Variants in PEAK1 observed in about 807,000 individuals in gnomAD.
PEAK1 encodes the protein pseudopodium enriched atypical kinase 1, also known as inactive tyrosine-protein kinase PEAK1.
In PEAK1, 54 loss-of-function variants were observed where a neutral mutation model predicts 124.7. The observed-to-expected ratio is 0.43, with a 90% CI of 0.35 to 0.54. The LOEUF is 0.54. PEAK1 is among the 20% of genes least tolerant of loss of function. The pLI, the probability that PEAK1 is intolerant of heterozygous loss-of-function variation, is 0.01. For synonymous variants in PEAK1, 719 were observed against 760.0 expected (o/e 0.95, Z 0.89); for missense variants, 2,046 against 2,134.5 (o/e 0.96, Z 0.82).
At chr15:77,174,197 T>A (rs899251405) in intron 7 of PEAK1, among the ~76,000 whole-genome samples, 4 of 152,186 alleles carry the variant, frequency 2.6e-5, no homozygotes, top group Admixed American at 1.3e-4. Flanking sequence ...ATGAACTTAG[T>A]AACAATCTAA....
At chr15:77,308,356 G>A (rs559575830) in intron 2 of PEAK1, among the ~76,000 whole-genome samples, 4 of 152,150 alleles carry the variant, frequency 2.6e-5, no homozygotes, top group Admixed American at 1.3e-4. Context: ...CCATGTAGGC[G>A]TTTGAAATAT....
chr15:77,114,507 G>A lies in PEAK1; in HGVS notation c.4890C>T (p.Phe1630=). 1 of 1,614,072 alleles carries A rather than the reference G, an allele frequency of 6.2e-7. No homozygotes were observed. The highest frequency in any genetic ancestry group is 8.5e-7 in the Non-Finnish European group (1 of 1,179,982). The change falls in exon 10 of 10, where the codon TTC becomes TTT. Residue 1630 remains phenylalanine, a synonymous_variant. Transcript: ENST00000682557. The part of the protein sequence containing the change: ...YTRADLPRIP[F]RSPYSRGLQQ... ...GCAGACCCCGGGAGTAGGGGGAGCG[G>A]AATGGGATGCGAGGCAGGTCTGCTC...
At chr15:77,304,442 A>ATTT (rs71145812) in intron 2 of PEAK1, among the ~76,000 whole-genome samples, 1,620 of 86,504 alleles carry the variant, frequency 0.019, 34 homozygotes, top group Non-Finnish European at 0.024. Flanking sequence ...TCCTGTATAC[A>ATTT]TTTTTTTTTT....
chr15:77,188,400 A>AGCACCGCTC (rs2057657284), intron 6 of PEAK1, among the ~76,000 whole-genome samples: 1 of 152,222 alleles, frequency 6.6e-6, no homozygotes, highest in Non-Finnish European at 1.5e-5. Flanking sequence ...ACTAATTTTT[A>AGCACCGCTC]AATTCAAACT....
chr15:77,147,820 C>T (rs2054280261), intron 8 of PEAK1, among the ~76,000 whole-genome samples: 1 of 152,054 alleles, frequency 6.6e-6, no homozygotes, highest in Non-Finnish European at 1.5e-5. Flanking sequence ...ATATAAATCC[C>T]CCAAATAACA....
At position 77,385,217 on chromosome 15, in the gene PEAK1, C is replaced by T. The variant is rs536679463; in HGVS notation, c.-665-19992G>A. Among the ~76,000 whole-genome samples the T allele has an allele frequency of 7.9e-5, 12 of 152,200 alleles. No homozygotes were observed. In the South Asian group the frequency reaches 2.5e-3, roughly 32 times the overall value. On this transcript the variant is annotated intron_variant, in intron 1 of 9. Transcript: ENST00000682557. ...CCATCATAAGGAAGTTGAGTAATGA[C>T]AGAAGCCTATTTGTCTGTCATTATT...
intron 5 of PEAK1, among the ~76,000 whole-genome samples, chr15:77,275,250 T>C (rs1198362330): frequency 6.6e-6 from 1 of 152,138 alleles, no homozygotes; most frequent in Admixed American, 6.6e-5. Flanking sequence ...CAAAATCTCA[T>C]AAATCACCAC....
intron 1 of PEAK1, among the ~76,000 whole-genome samples, chr15:77,411,639 G>A (rs1212968690): frequency 6.6e-6 from 1 of 151,736 alleles, no homozygotes; most frequent in Admixed American, 6.6e-5. Context: ...ACAGTCTTGC[G>A]ATGTCACCTA....
At chr15:77,338,049 A>T in intron 2 of PEAK1, 1 of 982,472 alleles carries the variant, frequency 1.0e-6, no homozygotes, top group Non-Finnish European at 1.2e-6. Context: ...AAGCAGTAAA[A>T]ATTTGAGCTT....
chr15:77,167,228 T>C (rs2056164572), intron 7 of PEAK1, among the ~76,000 whole-genome samples: 1 of 152,160 alleles, frequency 6.6e-6, no homozygotes, highest in Non-Finnish European at 1.5e-5. Context: ...AAATTCATAA[T>C]GAACTATGAA....
chr15:77,149,179 G>A (rs758416425), intron 8 of PEAK1, among the ~76,000 whole-genome samples: 19 of 152,164 alleles, frequency 1.2e-4, no homozygotes, highest in Non-Finnish European at 2.4e-4. Context: ...CCATGGATCC[G>A]TCAAATCTAT....
intron 2 of PEAK1, among the ~76,000 whole-genome samples, chr15:77,312,736 G>A (rs2064554780): frequency 6.6e-6 from 1 of 152,212 alleles, no homozygotes; most frequent in African/African-American, 2.4e-5. Flanking sequence ...GCAGGAAGAA[G>A]GCTGAAGGCC....
intron 6 of PEAK1, among the ~76,000 whole-genome samples, chr15:77,232,793 T>C (rs2059961899): frequency 6.6e-6 from 1 of 152,220 alleles, no homozygotes; most frequent in Non-Finnish European, 1.5e-5. Flanking sequence ...TCACCCAGGC[T>C]GGAGTGCAAT....
At chr15:77,115,900 A>T (rs574657272) in intron 9 of PEAK1, among the ~76,000 whole-genome samples, 1 of 152,312 alleles carries the variant, frequency 6.6e-6, no homozygotes, top group East Asian at 1.9e-4. Flanking sequence ...TGATGGTCAC[A>T]ACACTGGCAC....
chr15:77,388,097 G>A (rs2070111471), intron 1 of PEAK1, among the ~76,000 whole-genome samples: 1 of 152,152 alleles, frequency 6.6e-6, no homozygotes, highest in African/African-American at 2.4e-5. Flanking sequence ...TGGGGCTTGA[G>A]GCAGGAGGAT....
At chr15:77,366,605 G>C (rs1350738030) in intron 1 of PEAK1, among the ~76,000 whole-genome samples, 1 of 152,060 alleles carries the variant, frequency 6.6e-6, no homozygotes, top group Non-Finnish European at 1.5e-5. Context: ...ACCTAGGCTG[G>C]AGTACAGTGG....
chr15:77,363,732 T>C (rs2068047341), intron 2 of PEAK1, among the ~76,000 whole-genome samples: 1 of 152,166 alleles, frequency 6.6e-6, no homozygotes, highest in Non-Finnish European at 1.5e-5. Flanking sequence ...TCAAGGTTCA[T>C]CCATGCTTCA....
At chr15:77,124,507 T>G (rs1438249649) in intron 9 of PEAK1, among the ~76,000 whole-genome samples, 1 of 152,222 alleles carries the variant, frequency 6.6e-6, no homozygotes, top group African/African-American at 2.4e-5. Context: ...TACCTTGAAA[T>G]TTTAGCATCA....
Position 77,350,527 on chromosome 15 carries a change from A to G in PEAK1, c.-603+14636T>C, listed in dbSNP as rs902198841. 21 of 981,600 alleles carry G rather than the reference A, an allele frequency of 2.1e-5. No individual in the cohort carries two copies. In the South Asian group the frequency reaches 9.0e-4, roughly 42 times the overall value. The allele number at this position is 981,600 out of a possible 1,614,324, so 60.8% of individuals were successfully genotyped here. A position where few individuals can be genotyped will look rare whatever the true frequency, so the allele number is the denominator to read the frequency against. ...TTTAAGCTACATTTGAAAAAACATG[A>G]TAATACAATTGTGAGTCTCCTTAGT... On this transcript the variant is annotated intron_variant, in intron 2 of 9. Transcript: ENST00000682557.
Sources: allele counts gnomAD v4.1 joint callset (sites outside exome capture counted in the v4.1 genomes callset), GRCh38; gene constraint gnomAD v4.1.1; transcripts MANE v1.5; gene names NCBI Gene and HGNC (gene_info 2026-07-23, HGNC 2026-07-21).